The following KCNIP4 variants were observed in gnomAD, a reference collection of about 807,000 sequenced individuals.
KCNIP4 encodes potassium voltage-gated channel interacting protein 4, also known as Kv channel-interacting protein 4.
In KCNIP4, 12 loss-of-function variants were observed where a neutral mutation model predicts 34.0. The ratio of observed to expected loss-of-function variants is 0.35; its 90% CI spans 0.23 to 0.57. KCNIP4 has a LOEUF of 0.57. Among genes scored for constraint, KCNIP4 ranks in the 20% least tolerant of loss-of-function variants. The probability of loss-of-function intolerance (pLI) is 0.83; values close to 1 mark genes in which losing one functional copy is unlikely to be tolerated. For missense variants in KCNIP4, 238 were observed against 311.7 expected (o/e 0.76, Z 1.78); for synonymous variants, 124 against 102.2 (o/e 1.21, Z -1.29).
intron 1 of KCNIP4, among the ~76,000 whole-genome samples, chr4:21,345,750 C>A (rs1303968571): frequency 1.3e-5 from 2 of 151,896 alleles, no homozygotes; most frequent in Non-Finnish European, 2.9e-5. Flanking sequence ...AGAGAATGCA[C>A]AAATTAGAGA....
At chr4:21,146,696 G>A (rs1752385589) in intron 1 of KCNIP4, among the ~76,000 whole-genome samples, 1 of 152,168 alleles carries the variant, frequency 6.6e-6, no homozygotes, top group South Asian at 2.1e-4. Flanking sequence ...AGAAAAAAAG[G>A]AAAATATTGA....
chr4:21,072,261 A>G (rs1407768032), intron 1 of KCNIP4, among the ~76,000 whole-genome samples: 2 of 152,210 alleles, frequency 1.3e-5, no homozygotes, highest in African/African-American at 2.4e-5. Context: ...TCCCACCAAC[A>G]GTGTAAAAGT....
At chr4:21,075,396 C>G (rs1393750752) in intron 1 of KCNIP4, among the ~76,000 whole-genome samples, 1 of 152,060 alleles carries the variant, frequency 6.6e-6, no homozygotes, top group Non-Finnish European at 1.5e-5. Context: ...TATGTAATGG[C>G]CTTCTTTGTC....
intron 1 of KCNIP4, among the ~76,000 whole-genome samples, chr4:21,340,102 T>C (rs560613614): frequency 2.0e-5 from 3 of 152,270 alleles, no homozygotes; most frequent in South Asian, 4.1e-4. Context: ...TACTTACTTT[T>C]CTTCTTACTA....
intron 1 of KCNIP4, among the ~76,000 whole-genome samples, chr4:21,564,486 T>C (rs982102181): frequency 1.3e-5 from 2 of 152,132 alleles, no homozygotes; most frequent in Non-Finnish European, 2.9e-5. Context: ...GGACCTTCTA[T>C]TTGCTCTTTA....
chr4:21,139,790 T>TAC (rs1751802423), intron 1 of KCNIP4, among the ~76,000 whole-genome samples: 2 of 152,172 alleles, frequency 1.3e-5, no homozygotes, highest in African/African-American at 4.8e-5. Context: ...ATAAATATCC[T>TAC]ACACACTAAA....
chr4:21,485,846 C>T (rs1212200308), intron 1 of KCNIP4, among the ~76,000 whole-genome samples: 1 of 152,126 alleles, frequency 6.6e-6, no homozygotes, highest in African/African-American at 2.4e-5. Flanking sequence ...GTCTAACGAA[C>T]GACCGTCATA....
chr4:21,729,649 C>G (rs13107915), intron 1 of KCNIP4, among the ~76,000 whole-genome samples: 63,785 of 150,882 alleles, frequency 0.42, 16,286 homozygotes, highest in East Asian at 0.68. Context: ...CAAAGGTATG[C>G]CTCTGCTTCA....
At chr4:21,122,151 G>T (rs905343925) in intron 1 of KCNIP4, among the ~76,000 whole-genome samples, 1 of 151,568 alleles carries the variant, frequency 6.6e-6, no homozygotes, top group East Asian at 1.9e-4. Context: ...CCTAAAGAAA[G>T]TGGGGCTAAT....
At chr4:21,697,230 AT>A in intron 1 of KCNIP4, 1 of 1,274,084 alleles carries the variant, frequency 7.8e-7, no homozygotes, top group Non-Finnish European at 9.9e-7. Flanking sequence ...GTTGCATTTT[AT>A]TGACAACATT....
intron 1 of KCNIP4, among the ~76,000 whole-genome samples, chr4:21,666,101 C>T (rs1001961960): frequency 2.2e-4 from 33 of 152,184 alleles, no homozygotes; most frequent in Non-Finnish European, 3.2e-4. Flanking sequence ...AGTTTCCCTT[C>T]AAACATTCTA....
chr4:20,957,236 C>T (rs575746819), intron 1 of KCNIP4, among the ~76,000 whole-genome samples: 27 of 152,256 alleles, frequency 1.8e-4, no homozygotes, highest in Admixed American at 7.8e-4. Flanking sequence ...CACAGTGACC[C>T]TCTTGAGAGT....
chr4:20,848,504 TA>T (rs71655607), intron 3 of KCNIP4, among the ~76,000 whole-genome samples: 14 of 149,912 alleles, frequency 9.3e-5, no homozygotes, highest in East Asian at 3.9e-4. Context: ...AAACATAAAA[TA>T]AAAAAAAATA....
At chr4:21,395,161 C>G (rs747973558) in intron 1 of KCNIP4, among the ~76,000 whole-genome samples, 10 of 152,142 alleles carry the variant, frequency 6.6e-5, no homozygotes, top group Non-Finnish European at 1.5e-4. Context: ...TAAAACTTCT[C>G]TCATCTGAGC....
Position 21,260,532 on chromosome 4 carries a change from A to G in KCNIP4, c.62-377823T>C, listed in dbSNP as rs1761403774. 3.3e-5 allele frequency among the ~76,000 whole-genome samples: 5 copies of G among 152,234 alleles called. No individual in the cohort carries two copies. The South Asian group carries it at 1.0e-3, about 32-fold the overall frequency. The stretch of plus-strand genomic sequence containing the variant: ...GAACTTCGGACTCTTCCAGCGGCCA[A>G]GTGTAAATGTTAGGCCACATGAGCA... On this transcript the variant is annotated intron_variant, in intron 1 of 8. Coordinates refer to ENST00000382152, the MANE Select transcript of KCNIP4 (RefSeq NM_025221.6).
At chr4:21,433,154 A>G (rs1369837951) in intron 1 of KCNIP4, among the ~76,000 whole-genome samples, 1 of 152,220 alleles carries the variant, frequency 6.6e-6, no homozygotes, top group African/African-American at 2.4e-5. Flanking sequence ...TGAAGAAATG[A>G]GATTCGCTTA....
chr4:20,999,438 G>GTT (rs56952036), intron 1 of KCNIP4, among the ~76,000 whole-genome samples: 511 of 45,498 alleles, frequency 0.011, 9 homozygotes, highest in African/African-American at 0.04. Flanking sequence ...TTTGTTTTTT[G>GTT]TTTTTTTTTT....
intron 1 of KCNIP4, among the ~76,000 whole-genome samples, chr4:20,936,220 T>C (rs1014108203): frequency 1.3e-5 from 2 of 152,188 alleles, no homozygotes; most frequent in African/African-American, 4.8e-5. Flanking sequence ...GCAAAGGGGC[T>C]GTCTGTCATA....
At chr4:21,684,020 T>C (rs1346341686) in intron 1 of KCNIP4, among the ~76,000 whole-genome samples, 1 of 151,728 alleles carries the variant, frequency 6.6e-6, no homozygotes, top group African/African-American at 2.4e-5. Flanking sequence ...AAAATAACTA[T>C]TGGGTACTAG....
Sources: gnomAD v4.1 joint callset for allele counts (sites outside exome capture counted in the v4.1 genomes callset) on GRCh38, gnomAD v4.1.1 for gene constraint, MANE v1.5 for transcripts, NCBI Gene and HGNC (gene_info 2026-07-23, HGNC 2026-07-21) for gene names.